Variants in RNMT observed in about 807,000 individuals in gnomAD.
The protein encoded by RNMT is mRNA cap guanine-N(7) methyltransferase.
In RNMT, 27 loss-of-function variants were observed where a neutral mutation model predicts 56.0. The ratio of observed to expected loss-of-function variants is 0.48; its 90% confidence interval spans 0.36 to 0.67. The LOEUF (loss-of-function observed/expected upper bound fraction) is 0.67, where lower values mean the gene tolerates loss of function less well. Ranked by LOEUF, RNMT falls within the 30% of genes least tolerant of loss-of-function variation. The pLI is 0.00. For missense variants in RNMT, 519 were observed against 552.1 expected, an observed-to-expected ratio of 0.94 and a Z score of 0.60; for synonymous variants, 184 against 176.2, an observed-to-expected ratio of 1.04 and a Z score of -0.35.
At chr18:13,753,815 T>TCACACACACA (rs2044495261) in intron 10 of RNMT, among the ~76,000 whole-genome samples, 1 of 54,406 alleles carries the variant, frequency 1.8e-5, no homozygotes, top group African/African-American at 1.3e-4. Context: ...CATTTTCCAG[T>TCACACACACA]TACACACACA....
chr18:13,761,594 A>T lies in RNMT; in HGVS notation c.*1615A>T, dbSNP rs1336919681. ...CTTGGGGGAGAGAAGAATCCTCCAA[A>T]CGATGGAGTAGCCAGTGGTAATACA... On this transcript the variant is annotated 3_prime_UTR_variant, in exon 12 of 12. Coordinates refer to ENST00000383314, the MANE Select transcript of RNMT (RefSeq NM_003799.3). 1.0e-6 allele frequency: 1 copy of T among 992,738 alleles called. No individual in the cohort carries two copies. The highest frequency in any genetic ancestry group is 1.7e-5 in the African/African-American group (1 of 57,290). 61.5% of individuals were successfully genotyped at this position (992,738 alleles called of 1,614,324 possible).
chr18:13,754,227 C>A, intron 11 of RNMT, 80 bp downstream of exon 11: 1 of 962,768 alleles, frequency 1.0e-6, no homozygotes, highest in Non-Finnish European at 1.6e-6. Context: ...TGAAAAAAGG[C>A]TGGGCACTGT....
chr18:13,746,554 A>G (rs1164079814), intron 9 of RNMT, among the ~76,000 whole-genome samples: 2 of 152,248 alleles, frequency 1.3e-5, no homozygotes, highest in African/African-American at 4.8e-5. Context: ...TTTCTAGGAT[A>G]GTACTGCTTT....
chr18:13,759,908 T>C, intron 11 of RNMT, 34 bp from the exon 12 acceptor site: 3 of 1,534,534 alleles, frequency 2.0e-6, no homozygotes, highest in Non-Finnish European at 1.8e-6. Flanking sequence ...TGTAATCATA[T>C]GAGAAACTGA....
rs746094042 is a variant in RNMT at position 13,742,637 on chromosome 18, T to A, written c.1124T>A (p.Phe375Tyr). Residue 375 changes from phenylalanine to tyrosine, a missense_variant, in exon 8 of 12, where the codon TTT becomes TAT. Physicochemically the swap from Phe to Tyr is conservative, Grantham distance 22 (BLOSUM62 3). Transcript: ENST00000383314. The stretch of plus-strand genomic sequence containing the variant: ...GATGTTCCTGAATTCTTGGTCTATT[T>A]TCCATTGCTAAATGAGTAAGAAGTC... Reference protein sequence around the residue: ...VVDVPEFLVYFPLLNEMAKKY... With the variant: ...VVDVPEFLVYYPLLNEMAKKY... 1 of 1,612,844 alleles carries A rather than the reference T, an allele frequency of 6.2e-7. No homozygotes were observed. The highest frequency in any genetic ancestry group is 1.7e-5 in the Admixed American group (1 of 59,856).
intron 1 of RNMT, among the ~76,000 whole-genome samples, chr18:13,727,730 CTCT>C (rs778089018): frequency 6.6e-4 from 101 of 152,272 alleles, no homozygotes; most frequent in Non-Finnish European, 1.1e-3. Flanking sequence ...TAACCAATTT[CTCT>C]TCTTCATCCC....
Position 13,726,706 on chromosome 18 carries a change from A to G in RNMT, c.-195A>G, listed in dbSNP as rs1367320211. On this transcript the variant is annotated 5_prime_UTR_variant, in exon 1 of 12. Transcript: ENST00000383314. ...GTGGCGCGGGCCGCCGTTTCCGCAAACAGAATCGCGTTTGGCTGTGCTGGT... is the reference window on the plus strand; with the variant it reads ...GTGGCGCGGGCCGCCGTTTCCGCAAGCAGAATCGCGTTTGGCTGTGCTGGT... 2 of 152,274 alleles carry G rather than the reference A, an allele frequency of 1.3e-5. No individual in the cohort carries two copies. Among genetic ancestry groups the G allele is most frequent in the Non-Finnish European group, 2.9e-5 (2 of 68,102 alleles). The allele number at this position is 152,274 out of a possible 1,614,324, so 9.4% of individuals were successfully genotyped here.
chr18:13,735,942 T>A (rs1267178402), intron 4 of RNMT, among the ~76,000 whole-genome samples: 1 of 152,206 alleles, frequency 6.6e-6, no homozygotes, highest in African/African-American at 2.4e-5. Context: ...TCATTCTTTG[T>A]CACTCATTTT....
At chr18:13,755,111 A>T (rs11662804) in intron 11 of RNMT, among the ~76,000 whole-genome samples, 38,634 of 152,148 alleles carry the variant, frequency 0.25, 5,629 homozygotes, top group Non-Finnish European at 0.34. Context: ...GATAAACATT[A>T]TTGATTTACG....
Position 13,760,557 on chromosome 18 carries a change from A to G in RNMT, c.*578A>G, listed in dbSNP as rs763405068. 14 of 985,802 alleles carry G rather than the reference A, an allele frequency of 1.4e-5. No homozygotes were observed. The highest frequency in any genetic ancestry group is 1.7e-5 in the Non-Finnish European group (14 of 829,910). The allele number at this position is 985,802 out of a possible 1,614,324, so 61.1% of individuals were successfully genotyped here. A position where few individuals can be genotyped will look rare whatever the true frequency, so the allele number is the denominator to read the frequency against. On this transcript the variant is annotated 3_prime_UTR_variant, in exon 12 of 12. Transcript: ENST00000383314. ...ATTGCATTTTGAAATAATCATTAACATGCTGCAATTCAGGAGCTGGTTAGA... is the reference window on the plus strand; with the variant it reads ...ATTGCATTTTGAAATAATCATTAACGTGCTGCAATTCAGGAGCTGGTTAGA...
Position 13,763,135 on chromosome 18 carries a change from A to C in RNMT, c.*3156A>C, listed in dbSNP as rs576821265. ...GCCTGTTGGTCAAATAGGAAGTACA[A>C]GTGTGTGATGTTAGAACCTCCCTAG... On this transcript the variant is annotated 3_prime_UTR_variant, in exon 12 of 12. Transcript: ENST00000383314. The C allele has an allele frequency of 2.2e-6, 1 of 456,062 alleles. No homozygotes were observed. Among genetic ancestry groups the C allele is most frequent in the Non-Finnish European group, 4.4e-6 (1 of 226,786 alleles). The allele number at this position is 456,062 out of a possible 1,614,324, so 28.3% of individuals were successfully genotyped here.
At chr18:13,748,782 G>A (rs1434674435) in intron 9 of RNMT, among the ~76,000 whole-genome samples, 1 of 152,146 alleles carries the variant, frequency 6.6e-6, no homozygotes, top group African/African-American at 2.4e-5. Flanking sequence ...AGATATATAT[G>A]TTTTAATAAG....
rs1352674658 is a variant in RNMT, at chr18:13,761,991, C to T, written c.*2012C>T. ...CCAAGGTGGAAGGGAGCTAGTAGGA[C>T]TCTTCCTTGACACACCTTGTCGTCT... On this transcript the variant is annotated 3_prime_UTR_variant, in exon 12 of 12. Transcript: ENST00000383314. 3 of 1,535,180 alleles carry T rather than the reference C, an allele frequency of 2.0e-6. No homozygotes were observed. The highest frequency in any genetic ancestry group is 1.4e-5 in the African/African-American group (1 of 73,140).
At position 13,760,221 on chromosome 18, in the gene RNMT, G is replaced by A; in HGVS notation, c.*242G>A. 8.2e-7 allele frequency: 1 copy of A among 1,217,208 alleles called. No homozygotes were observed. The highest frequency in any genetic ancestry group is 1.0e-6 in the Non-Finnish European group (1 of 976,092). 75.4% of individuals were successfully genotyped at this position (1,217,208 alleles called of 1,614,324 possible). On this transcript the variant is annotated 3_prime_UTR_variant, in exon 12 of 12. Coordinates refer to ENST00000383314, the MANE Select transcript of RNMT (RefSeq NM_003799.3). ...AATCTATTTTTAGGTAATGTTCTAAGAATTCCATTTGCCTCTATGATCTTA... is the reference window on the plus strand; with the variant it reads ...AATCTATTTTTAGGTAATGTTCTAAAAATTCCATTTGCCTCTATGATCTTA...
Position 13,762,001 on chromosome 18 carries a change from A to T in RNMT, c.*2022A>T, listed in dbSNP as rs1302182618. 12 of 1,535,666 alleles carry T rather than the reference A, an allele frequency of 7.8e-6. No individual in the cohort carries two copies. Among genetic ancestry groups the T allele is most frequent in the Non-Finnish European group, 8.7e-6 (10 of 1,146,702 alleles). ...AGGGAGCTAGTAGGACTCTTCCTTG[A>T]CACACCTTGTCGTCTAAATGTTCGG... On this transcript the variant is annotated 3_prime_UTR_variant, in exon 12 of 12. Transcript: ENST00000383314.
At chr18:13,744,180 T>TTTTTTTTTTTTTTTTTTTG (rs2044310931) in intron 8 of RNMT, among the ~76,000 whole-genome samples, 1 of 142,098 alleles carries the variant, frequency 7.0e-6, no homozygotes, top group Non-Finnish European at 1.5e-5. Flanking sequence ...TTTTTTTTTT[T>TTTTTTTTTTTTTTTTTTTG]TTTTTGACTT....
intron 7 of RNMT, 110 bp from the exon 8 acceptor site, chr18:13,742,378 C>A: frequency 5.4e-6 from 5 of 918,384 alleles, no homozygotes; most frequent in South Asian, 1.5e-5. Context: ...AATTAAAAGG[C>A]TAATCAAGTG....
chr18:13,752,379 T>C lies in RNMT; in HGVS notation c.1311T>C (p.Tyr437=), dbSNP rs2044464577. Residue 437 remains tyrosine, a synonymous_variant, in exon 10 of 12, where the codon TAT becomes TAC. Coordinates refer to ENST00000383314, the MANE Select transcript of RNMT (RefSeq NM_003799.3). ...TTGTCTCTGAGAAGGTGGATGACTA[T>C]GAACATGCAGCAAAGTACATGAAGA... The part of the protein sequence containing the change: ...SKLVSEKVDD[Y]EHAAKYMKNS... The C allele has an allele frequency of 1.9e-6, 3 of 1,613,436 alleles. No individual in the cohort carries two copies. The highest frequency in any genetic ancestry group is 2.5e-6 in the Non-Finnish European group (3 of 1,179,504).
At chr18:13,753,852 A>ACACACACAC (rs1294785629) in intron 10 of RNMT, among the ~76,000 whole-genome samples, 5 of 93,250 alleles carry the variant, frequency 5.4e-5, no homozygotes, top group African/African-American at 9.1e-5. Flanking sequence ...CACACACACA[A>ACACACACAC]TGCCCTCTTC....
Sources: allele counts gnomAD v4.1 joint callset (sites outside exome capture counted in the v4.1 genomes callset), GRCh38; gene constraint gnomAD v4.1.1; transcripts MANE v1.5; gene names NCBI Gene and HGNC (gene_info 2026-07-23, HGNC 2026-07-21).